The following LCLAT1 variants were observed in gnomAD, a reference collection of about 807,000 sequenced individuals.
LCLAT1 encodes the protein 1-AGP acyltransferase 8.
In LCLAT1, 11 loss-of-function variants were observed where a neutral mutation model predicts 30.7. That is an observed-to-expected ratio of 0.36 (90% CI 0.23 to 0.59). The LOEUF is 0.59. LCLAT1 is among the 20% of genes least tolerant of loss of function. The pLI is 0.77. For missense variants in LCLAT1, 402 were observed against 458.6 expected (o/e 0.88, Z 1.13); for synonymous variants, 155 against 151.3 (o/e 1.02, Z -0.18).
chr2:30,482,438 A>G (rs1356712173), intron 1 of LCLAT1, among the ~76,000 whole-genome samples: 1 of 152,238 alleles, frequency 6.6e-6, no homozygotes, highest in East Asian at 1.9e-4. Context: ...AATCTCTAGT[A>G]TATATCTTTC....
intron 5 of LCLAT1, among the ~76,000 whole-genome samples, chr2:30,575,433 A>C (rs17009815): frequency 0.044 from 6,674 of 152,200 alleles, 511 homozygotes; most frequent in African/African-American, 0.15. Context: ...CATCTCTCGC[A>C]TACACACATA....
At chr2:30,505,317 CAG>C (rs1314345161) in intron 1 of LCLAT1, among the ~76,000 whole-genome samples, 1 of 137,278 alleles carries the variant, frequency 7.3e-6, no homozygotes, top group East Asian at 2.2e-4. Flanking sequence ...TTTAGAATAT[CAG>C]GGGCAAAACT....
chr2:30,455,439 C>T (rs1406209842), intron 1 of LCLAT1, among the ~76,000 whole-genome samples: 4 of 152,210 alleles, frequency 2.6e-5, no homozygotes, highest in East Asian at 1.9e-4. Context: ...GCCAAGATCA[C>T]GGTGTCAGAG....
chr2:30,626,678 C>A (rs1668526455), intron 5 of LCLAT1, among the ~76,000 whole-genome samples: 1 of 151,746 alleles, frequency 6.6e-6, no homozygotes, highest in African/African-American at 2.4e-5. Flanking sequence ...CTTTCTCTTT[C>A]CATTTGTATT....
intron 1 of LCLAT1, among the ~76,000 whole-genome samples, chr2:30,487,743 CAG>C (rs1379576416): frequency 6.6e-6 from 1 of 152,102 alleles, no homozygotes; most frequent in East Asian, 1.9e-4. Context: ...GTACAGTCAG[CAG>C]AGTCCTGTCT....
At chr2:30,539,493 CTTTTAATGTTATATATACTGTTTTAACA>C (rs1432862614) in intron 3 of LCLAT1, among the ~76,000 whole-genome samples, 2 of 152,046 alleles carry the variant, frequency 1.3e-5, no homozygotes, top group African/African-American at 4.8e-5. Flanking sequence ...TAAATGTTCT[CTTTTAATGTTATATATACTGTTTTAACA>C]GGCTTGGCTG....
intron 1 of LCLAT1, among the ~76,000 whole-genome samples, chr2:30,451,254 A>G (rs766332792): frequency 1.3e-5 from 2 of 152,190 alleles, no homozygotes; most frequent in Admixed American, 6.5e-5. Flanking sequence ...GATCTCTTAC[A>G]TATTGTTGGT....
At chr2:30,529,041 T>A (rs829621) in intron 2 of LCLAT1, among the ~76,000 whole-genome samples, 1 of 152,136 alleles carries the variant, frequency 6.6e-6, no homozygotes, top group Non-Finnish European at 1.5e-5. Context: ...TATATTCTTT[T>A]TAAATTCAGA....
At chr2:30,581,989 T>C (rs917027301) in intron 5 of LCLAT1, among the ~76,000 whole-genome samples, 12 of 152,176 alleles carry the variant, frequency 7.9e-5, no homozygotes, top group African/African-American at 2.7e-4. Flanking sequence ...TGCATACATA[T>C]CTTAAAATAG....
intron 1 of LCLAT1, among the ~76,000 whole-genome samples, chr2:30,498,341 CAG>C (rs954146932): frequency 2.0e-5 from 3 of 152,322 alleles, no homozygotes; most frequent in East Asian, 1.9e-4. Flanking sequence ...TGGGACCAAT[CAG>C]GGGCTGAAGT....
intron 1 of LCLAT1, among the ~76,000 whole-genome samples, chr2:30,469,256 GA>G (rs1255435725): frequency 1.3e-5 from 2 of 149,450 alleles, no homozygotes; most frequent in Non-Finnish European, 3.0e-5. Flanking sequence ...CAGTCCAGTT[GA>G]TTTTTTTTTT....
chr2:30,642,357 C>G lies in LCLAT1; in HGVS notation c.*1738C>G, dbSNP rs1669358968. On this transcript the variant is annotated 3_prime_UTR_variant, in exon 6 of 6. Coordinates refer to ENST00000379509, the MANE Select transcript of LCLAT1 (RefSeq NM_001002257.3). ...ATGCACATCTGCTCCAGACCCAGCT[C>G]TTTAACTTCATGGTTTTACAGCTTG... 1 of 151,510 alleles carries G rather than the reference C, an allele frequency of 6.6e-6. No homozygotes were observed. The highest frequency in any genetic ancestry group is 2.4e-5 in the African/African-American group (1 of 41,306). 9.4% of individuals were successfully genotyped at this position (151,510 alleles called of 1,614,324 possible).
chr2:30,459,437 A>G (rs1681991118), intron 1 of LCLAT1: 1 of 635,130 alleles, frequency 1.6e-6, no homozygotes, highest in Admixed American at 2.8e-5. Context: ...CAGTACTCAG[A>G]TGTTTCAGGT....
chr2:30,602,429 A>C (rs1366410508), intron 5 of LCLAT1, among the ~76,000 whole-genome samples: 1 of 152,216 alleles, frequency 6.6e-6, no homozygotes, highest in African/African-American at 2.4e-5. Flanking sequence ...AGCCTTTGGT[A>C]AAATGGCTAC....
chr2:30,517,437 G>T (rs527672458), intron 1 of LCLAT1, among the ~76,000 whole-genome samples: 1 of 152,288 alleles, frequency 6.6e-6, no homozygotes, highest in South Asian at 2.1e-4. Context: ...CTCTCCCATT[G>T]TGTAAGATGC....
At chr2:30,552,071 A>C (rs2148424981) in intron 3 of LCLAT1, among the ~76,000 whole-genome samples, 1 of 152,336 alleles carries the variant, frequency 6.6e-6, no homozygotes, top group Non-Finnish European at 1.5e-5. Context: ...ACCATATGTT[A>C]ATTGCTACTG....
rs1558575764 is a variant in LCLAT1 at position 30,640,785 on chromosome 2, A to AT, written c.*174dup. On this transcript the variant is annotated 3_prime_UTR_variant, in exon 6 of 6. Coordinates refer to ENST00000379509, the MANE Select transcript of LCLAT1 (RefSeq NM_001002257.3). ...ATTTTGTGGGAAAAATATTGCTACA[A>AT]TTTTTTTTAATCTCTGAATGTAATT... 20 of 806,962 alleles carry AT rather than the reference A, an allele frequency of 2.5e-5. No individual in the cohort carries two copies. Among genetic ancestry groups the AT allele is most frequent in the Non-Finnish European group, 3.6e-5 (19 of 535,100 alleles). 50.0% of individuals were successfully genotyped at this position (806,962 alleles called of 1,614,324 possible). A position where few individuals can be genotyped will look rare whatever the true frequency, so the allele number is the denominator to read the frequency against.
chr2:30,567,285 TA>T (rs1665531952), intron 4 of LCLAT1, among the ~76,000 whole-genome samples: 1 of 152,234 alleles, frequency 6.6e-6, no homozygotes, highest in Non-Finnish European at 1.5e-5. Flanking sequence ...TCAGAAAATG[TA>T]TAAAAATCGA....
chr2:30,498,283 T>C (rs1684212372), intron 1 of LCLAT1, among the ~76,000 whole-genome samples: 1 of 152,122 alleles, frequency 6.6e-6, no homozygotes, highest in Admixed American at 6.6e-5. Context: ...AGTATGTTAG[T>C]GTAAAGAATT....
Sources: gnomAD v4.1 joint callset for allele counts (sites outside exome capture counted in the v4.1 genomes callset) on GRCh38, gnomAD v4.1.1 for gene constraint, MANE v1.5 for transcripts, NCBI Gene and HGNC (gene_info 2026-07-23, HGNC 2026-07-21) for gene names.